The following SYT1 variants were observed in gnomAD, a reference collection of about 807,000 sequenced individuals.
The protein encoded by SYT1 is synaptotagmin-1.
Under a neutral mutation model 44.8 loss-of-function variants are expected in SYT1, and 8 were observed. That is an observed-to-expected ratio of 0.18 (90% CI 0.10 to 0.32). The LOEUF (loss-of-function observed/expected upper bound fraction) is 0.32, where lower values mean the gene tolerates loss of function less well. Among genes scored for constraint, SYT1 ranks in the 10% least tolerant of loss-of-function variants. The probability of loss-of-function intolerance (pLI) is 1.00; values close to 1 mark genes in which losing one functional copy is unlikely to be tolerated. For synonymous variants in SYT1, 154 were observed against 188.8 expected (o/e 0.82, Z 1.51); for missense variants, 286 against 509.3 (o/e 0.56, Z 4.22).
intron 3 of SYT1, among the ~76,000 whole-genome samples, chr12:79,151,686 T>G (rs1870282830): frequency 6.6e-6 from 1 of 152,124 alleles, no homozygotes; most frequent in African/African-American, 2.4e-5. Context: ...AGCTGATGGT[T>G]TGAGAGCTAT....
chr12:79,423,791 A>C (rs1869264445), intron 9 of SYT1, among the ~76,000 whole-genome samples: 1 of 151,836 alleles, frequency 6.6e-6, no homozygotes, highest in South Asian at 2.1e-4. Flanking sequence ...TCTCCTAAAT[A>C]TGCCGAACAC....
intron 3 of SYT1, among the ~76,000 whole-genome samples, chr12:79,051,356 T>A (rs1423614285): frequency 6.7e-6 from 1 of 149,908 alleles, no homozygotes; most frequent in Non-Finnish European, 1.5e-5. Context: ...TATGTATGTA[T>A]AAAGAGAGCT....
At chr12:79,101,936 TAATAA>T (rs542385099) in intron 3 of SYT1, among the ~76,000 whole-genome samples, 76 of 151,298 alleles carry the variant, frequency 5.0e-4, no homozygotes, top group African/African-American at 1.7e-3. Flanking sequence ...ATAAATTAAT[TAATAA>T]AATAAAAGAT....
In SYT1 at chr12:79,208,868, T is replaced by A. The variant is rs190271553; in HGVS notation, c.-17-8635T>A. On this transcript the variant is annotated intron_variant, in intron 3 of 10. Coordinates refer to ENST00000261205, the MANE Select transcript of SYT1 (RefSeq NM_005639.3). ...TTATATTCAATTTGCAAAAGCACTA[T>A]GAGAAATACTTCCTGGAAGGCATAC... 1.3e-3 allele frequency among the ~76,000 whole-genome samples: 204 copies of A among 152,158 alleles called. 8 individuals carry two copies. The South Asian group carries it at 0.041, about 31-fold the overall frequency.
intron 2 of SYT1, among the ~76,000 whole-genome samples, chr12:78,979,162 T>A (rs1869063404): frequency 6.6e-6 from 1 of 152,200 alleles, no homozygotes; most frequent in South Asian, 2.1e-4. Flanking sequence ...TTCAGTTTTC[T>A]AGGAAATAAT....
At chr12:79,441,307 T>TTGTTGC (rs1555225916) in intron 9 of SYT1, among the ~76,000 whole-genome samples, 2 of 151,522 alleles carry the variant, frequency 1.3e-5, no homozygotes, top group African/African-American at 4.8e-5. Context: ...GTTGTTGTTG[T>TTGTTGC]TGCTGCTGCT....
chr12:78,994,355 G>A (rs767979440), intron 2 of SYT1, among the ~76,000 whole-genome samples: 3 of 152,086 alleles, frequency 2.0e-5, no homozygotes, highest in Non-Finnish European at 4.4e-5. Flanking sequence ...ATCACAAGTG[G>A]ATGTCTATGT....
intron 2 of SYT1, among the ~76,000 whole-genome samples, chr12:79,012,749 A>C (rs1871500290): frequency 6.6e-6 from 1 of 152,190 alleles, no homozygotes; most frequent in South Asian, 2.1e-4. Flanking sequence ...AAAACAGGAG[A>C]GTGCACCCTG....
chr12:79,201,471 G>A (rs1015968665), intron 3 of SYT1, among the ~76,000 whole-genome samples: 5 of 152,074 alleles, frequency 3.3e-5, no homozygotes, highest in Admixed American at 6.5e-5. Flanking sequence ...AAGTAGGGAC[G>A]CAAAAAGTTA....
intron 1 of SYT1, among the ~76,000 whole-genome samples, chr12:78,876,666 T>C (rs1874098915): frequency 8.5e-6 from 1 of 116,982 alleles, no homozygotes. Flanking sequence ...CGTGTGCACA[T>C]GTGTACATGT....
intron 4 of SYT1, among the ~76,000 whole-genome samples, chr12:79,238,944 T>G (rs1168804567): frequency 6.6e-6 from 1 of 152,258 alleles, no homozygotes; most frequent in Middle Eastern, 3.2e-3. Flanking sequence ...TCCCTGTCCT[T>G]GGAATTCTCC....
intron 3 of SYT1, among the ~76,000 whole-genome samples, chr12:79,214,731 A>G (rs1178399777): frequency 6.6e-6 from 1 of 152,192 alleles, no homozygotes; most frequent in Non-Finnish European, 1.5e-5. Context: ...TAGTTGAGCA[A>G]TATACCTTTA....
intron 3 of SYT1, among the ~76,000 whole-genome samples, chr12:79,068,591 A>C (rs1007170867): frequency 2.6e-5 from 4 of 152,170 alleles, no homozygotes; most frequent in African/African-American, 9.7e-5. Context: ...CAACAAATAA[A>C]AGTTTCATAG....
At chr12:78,950,816 TGC>T (rs1878927219) in intron 1 of SYT1, among the ~76,000 whole-genome samples, 1 of 152,106 alleles carries the variant, frequency 6.6e-6, no homozygotes, top group African/African-American at 2.4e-5. Context: ...ACAAAAATTG[TGC>T]TGTTCTGATT....
chr12:79,435,848 C>T (rs531607953), intron 9 of SYT1, among the ~76,000 whole-genome samples: 5 of 152,256 alleles, frequency 3.3e-5, no homozygotes, highest in Middle Eastern at 3.4e-3. Flanking sequence ...TATAGCATCC[C>T]TCCCTCTCTC....
At chr12:79,087,976 A>G (rs1514921) in intron 3 of SYT1, among the ~76,000 whole-genome samples, 13,752 of 152,136 alleles carry the variant, frequency 0.09, 838 homozygotes, top group Non-Finnish European at 0.14. Flanking sequence ...ACACTCAGTG[A>G]CTATTAGTTG....
chr12:79,280,506 A>G (rs1878987364), intron 4 of SYT1, among the ~76,000 whole-genome samples: 1 of 151,966 alleles, frequency 6.6e-6, no homozygotes, highest in South Asian at 2.1e-4. Flanking sequence ...AATTAACACA[A>G]CTTGGATTAA....
At chr12:78,868,013 C>T (rs1873633289) in intron 1 of SYT1, among the ~76,000 whole-genome samples, 1 of 151,756 alleles carries the variant, frequency 6.6e-6, no homozygotes, top group African/African-American at 2.4e-5. Flanking sequence ...CTTTTGATGT[C>T]AGTATATTAA....
At chr12:79,221,422 CT>C (rs1186286466) in intron 4 of SYT1, among the ~76,000 whole-genome samples, 1 of 152,050 alleles carries the variant, frequency 6.6e-6, no homozygotes, top group African/African-American at 2.4e-5. Flanking sequence ...ATTATCAATA[CT>C]TACTACTGCC....
Sources: allele counts gnomAD v4.1 joint callset (sites outside exome capture counted in the v4.1 genomes callset), GRCh38; gene constraint gnomAD v4.1.1; transcripts MANE v1.5; gene names NCBI Gene and HGNC (gene_info 2026-07-23, HGNC 2026-07-21).